SMYD2: variants seen among roughly 807,000 people sequenced by gnomAD.
SMYD2 encodes SET and MYND domain containing 2.
A neutral mutation model predicts 59.1 loss-of-function variants in SMYD2; 53 were observed. The observed-to-expected ratio is 0.90, with a 90% CI of 0.72 to 1.13. SMYD2 has a LOEUF of 1.13. Among genes scored for constraint, SMYD2 ranks in the 50% most tolerant of loss-of-function variants. SMYD2 has a pLI of 0.00. For missense variants in SMYD2, 494 were observed against 544.7 expected (o/e 0.91, Z 0.93); for synonymous variants, 208 against 198.8 (o/e 1.05, Z -0.39).
intron 8 of SMYD2, 83 bp from the exon 9 acceptor site, chr1:214,330,867 G>A (rs955584180): frequency 6.3e-7 from 1 of 1,597,032 alleles, no homozygotes; most frequent in Non-Finnish European, 8.5e-7. Context: ...CGCTGTGTGG[G>A]AATGTGTATT....
intron 1 of SMYD2, among the ~76,000 whole-genome samples, chr1:214,284,254 G>GTTTTTTTTTTT (rs34049644): frequency 1.4e-4 from 13 of 90,362 alleles, no homozygotes; most frequent in Non-Finnish European, 1.8e-4. Flanking sequence ...TTTTGGTGTG[G>GTTTTTTTTTTT]TTTTTTTTTT....
intron 1 of SMYD2, among the ~76,000 whole-genome samples, chr1:214,299,756 G>A (rs1013300023): frequency 5.9e-5 from 9 of 152,016 alleles, no homozygotes; most frequent in African/African-American, 1.2e-4. Flanking sequence ...ACAGGCGCCC[G>A]CCACCACGCC....
chr1:214,281,270 C>A lies in SMYD2; in HGVS notation c.16C>A (p.Leu6Ile), dbSNP rs753255877. 4 of 1,280,548 alleles carry A rather than the reference C, an allele frequency of 3.1e-6. No homozygotes were observed. The African/African-American group carries it at 6.2e-5, about 20-fold the overall frequency. 79.3% of individuals were successfully genotyped at this position (1,280,548 alleles called of 1,614,324 possible). A position where few individuals can be genotyped will look rare whatever the true frequency, so the allele number is the denominator to read the frequency against. ...CGCCGCCACCATGAGGGCCGAGGGC[C>A]TCGGCGGCCTGGAGCGCTTCTGCAG... The part of the protein sequence containing the change: MRAEG[L>I]GGLERFCSPG... Residue 6 changes from leucine to isoleucine, a missense_variant, in exon 1 of 12, where the codon CTC (leucine) becomes ATC (isoleucine). Physicochemically the swap from Leu to Ile is conservative, Grantham distance 5 (BLOSUM62 2). Coordinates refer to ENST00000366957, the MANE Select transcript of SMYD2 (RefSeq NM_020197.3).
intron 6 of SMYD2, among the ~76,000 whole-genome samples, chr1:214,326,326 T>C (rs1327604285): frequency 6.6e-6 from 1 of 151,864 alleles, no homozygotes; most frequent in African/African-American, 2.4e-5. Flanking sequence ...AGAACATGAA[T>C]TGTTTTAGGG....
intron 5 of SMYD2, among the ~76,000 whole-genome samples, chr1:214,321,105 T>C (rs953342980): frequency 2.0e-5 from 3 of 152,202 alleles, no homozygotes; most frequent in Non-Finnish European, 4.4e-5. Flanking sequence ...GTTGATGCCG[T>C]AGTTACAGGA....
intron 11 of SMYD2, among the ~76,000 whole-genome samples, chr1:214,334,531 G>A (rs1269564711): frequency 1.3e-5 from 2 of 152,090 alleles, no homozygotes; most frequent in Admixed American, 6.5e-5. Flanking sequence ...AAGGGAATGG[G>A]TGCCCACATC....
intron 6 of SMYD2, among the ~76,000 whole-genome samples, chr1:214,326,875 C>G (rs1657272430): frequency 6.6e-6 from 1 of 152,166 alleles, no homozygotes; most frequent in Admixed American, 6.5e-5. Context: ...GGAAAAAATC[C>G]CTTTGGGCTG....
intron 1 of SMYD2, among the ~76,000 whole-genome samples, chr1:214,285,007 T>G (rs1656513801): frequency 6.6e-6 from 1 of 152,168 alleles, no homozygotes; most frequent in Non-Finnish European, 1.5e-5. Context: ...TGACATTTCT[T>G]TGTTTGTTCT....
chr1:214,324,746 T>A (rs1657235413), intron 6 of SMYD2, 38 bp downstream of exon 6: 1 of 1,556,168 alleles, frequency 6.4e-7, no homozygotes. Context: ...CCTTTTTACT[T>A]ACTTAACACT....
intron 3 of SMYD2, among the ~76,000 whole-genome samples, chr1:214,316,749 C>G (rs547703056): frequency 2.8e-4 from 42 of 152,140 alleles, no homozygotes; most frequent in African/African-American, 9.6e-4. Context: ...GCCAGCCAGC[C>G]GAGAGTAACA....
chr1:214,315,773 C>A (rs141383465), intron 3 of SMYD2, among the ~76,000 whole-genome samples: 307 of 152,282 alleles, frequency 2.0e-3, no homozygotes, highest in Non-Finnish European at 3.8e-3. Context: ...GGATGCTATG[C>A]AAATCTGCCT....
chr1:214,300,634 G>A (rs1428292869), intron 1 of SMYD2, among the ~76,000 whole-genome samples: 1 of 152,186 alleles, frequency 6.6e-6, no homozygotes, highest in African/African-American at 2.4e-5. Flanking sequence ...CACGTAGAGA[G>A]ACTATTTTTG....
intron 6 of SMYD2, chr1:214,327,349 T>G: frequency 2.7e-6 from 1 of 363,644 alleles, no homozygotes; most frequent in Admixed American, 4.1e-5. Context: ...ATTTGTGGCA[T>G]TTGTTGTTTT....
At chr1:214,288,582 T>G (rs1332449305) in intron 1 of SMYD2, among the ~76,000 whole-genome samples, 1 of 152,220 alleles carries the variant, frequency 6.6e-6, no homozygotes, top group Non-Finnish European at 1.5e-5. Flanking sequence ...TTGAATAGAA[T>G]TTATAATTGG....
intron 3 of SMYD2, among the ~76,000 whole-genome samples, chr1:214,315,460 C>T (rs771763861): frequency 9.9e-5 from 15 of 152,058 alleles, no homozygotes; most frequent in Non-Finnish European, 1.9e-4. Flanking sequence ...AAGAGGTGCC[C>T]TTGATGGAAA....
chr1:214,291,881 A>C (rs1250309237), intron 1 of SMYD2, among the ~76,000 whole-genome samples: 1 of 152,210 alleles, frequency 6.6e-6, no homozygotes, highest in Admixed American at 6.5e-5. Flanking sequence ...TGGCCTACCC[A>C]TACACCTGAG....
chr1:214,318,214 G>A lies in SMYD2; in HGVS notation c.409+75G>A. 7.2e-7 allele frequency: 1 copy of A among 1,380,088 alleles called. No homozygotes were observed. Among genetic ancestry groups the A allele is most frequent in the Non-Finnish European group, 1.0e-6 (1 of 983,678 alleles). 85.5% of individuals were successfully genotyped at this position (1,380,088 alleles called of 1,614,324 possible). A position where few individuals can be genotyped will look rare whatever the true frequency, so the allele number is the denominator to read the frequency against. ...CATGGGTTGGGCAGGATTGAAGCGAGGACGGGCTAGTTTGTGCTCAGAGGA... is the reference window on the plus strand; with the variant it reads ...CATGGGTTGGGCAGGATTGAAGCGAAGACGGGCTAGTTTGTGCTCAGAGGA... On this transcript the variant is annotated intron_variant, in intron 4 of 11. Transcript: ENST00000366957. This position sits in a 1 kb window ranked among gnomAD's most constrained non-coding sequence, Gnocchi z 5.4.
At chr1:214,332,576 T>C (rs1160109705) in intron 10 of SMYD2, 6 of 160,740 alleles carry the variant, frequency 3.7e-5, no homozygotes, top group African/African-American at 1.2e-4. Context: ...ACTCACACCA[T>C]CCCCTTCTTT....
At chr1:214,298,374 C>G (rs562033142) in intron 1 of SMYD2, among the ~76,000 whole-genome samples, 1 of 152,298 alleles carries the variant, frequency 6.6e-6, no homozygotes, top group South Asian at 2.1e-4. Flanking sequence ...AAACTGGACC[C>G]TTACATTTTA....
Sources: allele counts gnomAD v4.1 joint callset (sites outside exome capture counted in the v4.1 genomes callset), GRCh38; gene constraint gnomAD v4.1.1; non-coding constraint Gnocchi (gnomAD v3.1); transcripts MANE v1.5; gene names NCBI Gene and HGNC (gene_info 2026-07-23, HGNC 2026-07-21).